The following NSMAF variants were observed in gnomAD, a reference collection of about 807,000 sequenced individuals.
NSMAF encodes protein FAN.
Under a neutral mutation model 134.9 loss-of-function variants are expected in NSMAF, and 90 were observed. That is an observed-to-expected ratio of 0.67 (90% CI 0.56 to 0.79). The LOEUF is 0.79. Ranked by LOEUF, NSMAF falls within the 30% of genes least tolerant of loss-of-function variation. NSMAF has a pLI of 0.00. For missense variants in NSMAF, 1,010 were observed against 1,119.0 expected (o/e 0.90, Z 1.39); for synonymous variants, 358 against 389.6 (o/e 0.92, Z 0.96).
chr8:58,656,310 A>C (rs943234338), intron 1 of NSMAF, among the ~76,000 whole-genome samples: 18 of 152,102 alleles, frequency 1.2e-4, no homozygotes, highest in African/African-American at 4.3e-4. Context: ...CTGCCACCTA[A>C]ATCTTAACCA....
rs761714296 is a variant in NSMAF at position 58,590,024 on chromosome 8, A to G, written c.2070T>C (p.Ser690=). The change falls in exon 25 of 31, where the codon TCT becomes TCC. Residue 690 remains serine, a synonymous_variant. Transcript: ENST00000038176. ...LLPGDATVIT[S]SWDNNVYFYS... The stretch of plus-strand genomic sequence containing the variant: ...ATACATACACATTATTATCCCATGA[A>G]GAAGTTATGACAGTGGCATCTCCTG... 6.2e-7 allele frequency: 1 copy of G among 1,613,918 alleles called. No homozygotes were observed. Among genetic ancestry groups the G allele is most frequent in the South Asian group, 1.1e-5 (1 of 91,086 alleles).
At chr8:58,652,429 A>G (rs182496825) in intron 1 of NSMAF, among the ~76,000 whole-genome samples, 386 of 152,282 alleles carry the variant, frequency 2.5e-3, no homozygotes, top group African/African-American at 9.0e-3. Flanking sequence ...TTCCCCAATC[A>G]AGAACAAACT....
chr8:58,635,093 A>G, intron 5 of NSMAF, 96 bp downstream of exon 5: 2 of 915,278 alleles, frequency 2.2e-6, no homozygotes, highest in East Asian at 2.5e-5. Context: ...TTTCTATTCC[A>G]TGGTCTTCAT....
In NSMAF at chr8:58,590,086, A is replaced by G. The variant is rs754207718; in HGVS notation, c.2020-12T>C. ...CAAGACGATAAAGCCTGAAATACAA[A>G]TGATTTGACGTTAACAATCTATAAT... On this transcript the variant is annotated splice_polypyrimidine_tract_variant and intron_variant, in intron 24 of 30. Coordinates refer to ENST00000038176, the MANE Select transcript of NSMAF (RefSeq NM_003580.4). The G allele has an allele frequency of 1.2e-6, 2 of 1,609,198 alleles. No individual in the cohort carries two copies. Among genetic ancestry groups the G allele is most frequent in the South Asian group, 2.2e-5 (2 of 90,974 alleles).
At chr8:58,630,589 G>A (rs1233248504) in intron 6 of NSMAF, among the ~76,000 whole-genome samples, 1 of 152,170 alleles carries the variant, frequency 6.6e-6, no homozygotes, top group Admixed American at 6.5e-5. Context: ...AAGGGGAGCA[G>A]TGTACGAGAG....
At chr8:58,646,411 C>T (rs1463536262) in intron 1 of NSMAF, among the ~76,000 whole-genome samples, 1 of 152,130 alleles carries the variant, frequency 6.6e-6, no homozygotes, top group Non-Finnish European at 1.5e-5. Context: ...CCTTCAGAGA[C>T]AATTCTTCCA....
Position 58,585,986 on chromosome 8 carries a change from G to A in NSMAF, c.2461C>T (p.Leu821Phe). The change falls in exon 29 of 31, where the codon CTC (leucine) becomes TTC (phenylalanine). Residue 821 changes from leucine to phenylalanine, a missense_variant. Physicochemically the swap from Leu to Phe is conservative, Grantham distance 22. Coordinates refer to ENST00000038176, the MANE Select transcript of NSMAF (RefSeq NM_003580.4). ...TAFSPDSRHV[L>F]STGTDGCLNV... The stretch of plus-strand genomic sequence containing the variant: ...AGACAGCCATCTGTTCCTGTGCTGA[G>A]GACATGGCGACTATCTGCAACACAA... 1 of 1,613,662 alleles carries A rather than the reference G, an allele frequency of 6.2e-7. No individual in the cohort carries two copies. Among genetic ancestry groups the A allele is most frequent in the Admixed American group, 1.7e-5 (1 of 60,012 alleles).
intron 12 of NSMAF, among the ~76,000 whole-genome samples, chr8:58,605,511 T>C (rs1806384802): frequency 6.6e-6 from 1 of 152,180 alleles, no homozygotes; most frequent in African/African-American, 2.4e-5. Context: ...TTTTAAAACA[T>C]ACATTCAGAA....
In NSMAF at chr8:58,635,474, G is replaced by C. The variant is rs765766905; in HGVS notation, c.222C>G (p.Ile74Met). ...ATATTTAAAATGTATTTACCTTGATGATGGGCTGGGATATTGAATCTGGTT... is the reference window on the plus strand; with the variant it reads ...ATATTTAAAATGTATTTACCTTGATCATGGGCTGGGATATTGAATCTGGTT... ...IFEPDSISQPIIKIPLRDCIK... is the reference protein window; with the variant it reads ...IFEPDSISQPMIKIPLRDCIK... Residue 74 changes from isoleucine to methionine, a missense_variant, in exon 3 of 31, where the codon ATC (isoleucine) becomes ATG (methionine). By Grantham distance (10) the Ile-to-Met change is conservative. Transcript: ENST00000038176. 8.8e-6 allele frequency: 14 copies of C among 1,599,508 alleles called. No homozygotes were observed. The highest frequency in any genetic ancestry group is 1.2e-5 in the Non-Finnish European group (14 of 1,173,654).
chr8:58,655,564 T>C (rs1024545587), intron 1 of NSMAF, among the ~76,000 whole-genome samples: 2 of 152,114 alleles, frequency 1.3e-5, no homozygotes, highest in African/African-American at 4.8e-5. Flanking sequence ...AGAAAGTCTG[T>C]ATAATATCCT....
intron 9 of NSMAF, among the ~76,000 whole-genome samples, chr8:58,611,180 T>C (rs113332653): frequency 6.6e-6 from 1 of 152,142 alleles, no homozygotes; most frequent in Non-Finnish European, 1.5e-5. Flanking sequence ...AAAGACTCTA[T>C]AGAAGGTGTG....
At chr8:58,632,769 G>A (rs1363336572) in intron 5 of NSMAF, among the ~76,000 whole-genome samples, 1 of 152,162 alleles carries the variant, frequency 6.6e-6, no homozygotes, top group Admixed American at 6.5e-5. Flanking sequence ...CCAAATGCCT[G>A]CTGGACGTCT....
At chr8:58,621,472 G>A (rs548300241) in intron 9 of NSMAF, among the ~76,000 whole-genome samples, 5 of 152,184 alleles carry the variant, frequency 3.3e-5, no homozygotes, top group Admixed American at 6.5e-5. Flanking sequence ...GGGTATATAC[G>A]CAATCATGGG....
At chr8:58,623,968 C>T (rs1248505054) in intron 6 of NSMAF, among the ~76,000 whole-genome samples, 188 bp from the exon 7 acceptor site, 3 of 151,824 alleles carry the variant, frequency 2.0e-5, no homozygotes, top group Non-Finnish European at 4.4e-5. Flanking sequence ...TTATTATTTC[C>T]TTCCTTCTTC....
chr8:58,592,908 C>A (rs565620148), intron 23 of NSMAF, among the ~76,000 whole-genome samples: 2,199 of 111,104 alleles, frequency 0.02, 60 homozygotes, highest in East Asian at 0.086. Context: ...AAAACAAAAA[C>A]AACAACAACA....
At chr8:58,656,787 G>A (rs560671545) in intron 1 of NSMAF, among the ~76,000 whole-genome samples, 39 of 152,020 alleles carry the variant, frequency 2.6e-4, no homozygotes, top group Admixed American at 7.2e-4. Context: ...CCAAGATCAC[G>A]CCACTGCACT....
At chr8:58,594,468 C>T (rs1806090584) in intron 22 of NSMAF, 178 bp from the exon 23 acceptor site, 4 of 603,662 alleles carry the variant, frequency 6.6e-6, no homozygotes, top group South Asian at 4.2e-5. Context: ...CACCTTCTAA[C>T]GTTCTGGCAA....
At chr8:58,622,790 C>T (rs1177909232) in intron 9 of NSMAF, among the ~76,000 whole-genome samples, 1 of 152,136 alleles carries the variant, frequency 6.6e-6, no homozygotes, top group Non-Finnish European at 1.5e-5. Context: ...ACCTTGGCTT[C>T]CTAAAGTGCT....
In NSMAF at chr8:58,607,803, C is replaced by G. The variant is rs199548636; in HGVS notation, c.725G>C (p.Arg242Pro). The change falls in exon 11 of 31, where the codon CGC (arginine) becomes CCC (proline). Residue 242 changes from arginine to proline, a missense_variant. Arg to Pro is a moderately radical substitution (Grantham distance 103). Coordinates refer to ENST00000038176, the MANE Select transcript of NSMAF (RefSeq NM_003580.4). ...GAGGCCGTGCCTCCTTTTGTAGATG[C>G]GGCGGACATCTTGGAGTGTTATCTG... ...VVQITLQDVR[R>P]IYKRRHGLMP... The G allele has an allele frequency of 1.2e-6, 2 of 1,614,102 alleles. No homozygotes were observed. The highest frequency in any genetic ancestry group is 8.5e-7 in the Non-Finnish European group (1 of 1,179,962).
Sources: allele counts gnomAD v4.1 joint callset (sites outside exome capture counted in the v4.1 genomes callset), GRCh38; gene constraint gnomAD v4.1.1; transcripts MANE v1.5; gene names NCBI Gene and HGNC (gene_info 2026-07-23, HGNC 2026-07-21).